Variants in TMEM71 observed in about 807,000 individuals in gnomAD.
TMEM71 encodes transmembrane protein 71.
A neutral mutation model predicts 38.0 loss-of-function variants in TMEM71; 44 were observed. The observed-to-expected ratio is 1.16, with a 90% confidence interval of 0.91 to 1.49. The LOEUF is 1.49. Ranked by LOEUF, TMEM71 falls within the 40% of genes most tolerant of loss-of-function variation. TMEM71 has a pLI of 0.00. For missense variants in TMEM71, 367 were observed against 348.6 expected (o/e 1.05, Z -0.42); for synonymous variants, 133 against 122.5 (o/e 1.09, Z -0.56).
At chr8:132,770,374 G>A in the TMEM71 span, among the ~76,000 whole-genome samples, 4 of 152,148 alleles carry the variant, frequency 2.6e-5, no homozygotes, top group South Asian at 4.1e-4. Context: ...CTCAGTCCAC[G>A]AGGTTTGGAC....
chr8:132,741,347 A>G (rs4736607), intron 5 of TMEM71, among the ~76,000 whole-genome samples: 99,997 of 151,962 alleles, frequency 0.66, 34,371 homozygotes, highest in South Asian at 0.79. Flanking sequence ...GTCTCTCCCC[A>G]TGTGTGGCGA....
chr8:132,711,196 T>A (rs1038317576), intron 9 of TMEM71, among the ~76,000 whole-genome samples: 1 of 152,172 alleles, frequency 6.6e-6, no homozygotes, highest in African/African-American at 2.4e-5. Context: ...AGTGCTCTCC[T>A]TTTTGTCTGA....
intron 6 of TMEM71, among the ~76,000 whole-genome samples, chr8:132,725,113 C>T (rs553961230): frequency 1.3e-5 from 2 of 151,612 alleles, no homozygotes; most frequent in South Asian, 4.2e-4. Context: ...TCTTGGCTCA[C>T]TGCAGCCTTG....
intron 5 of TMEM71, 133 bp from the exon 6 acceptor site, chr8:132,728,119 C>A: frequency 1.6e-6 from 1 of 629,566 alleles, no homozygotes; most frequent in Non-Finnish European, 2.6e-6. Context: ...CGGTATTGCA[C>A]TACCATAGTG....
chr8:132,724,337 A>T (rs939873609), intron 6 of TMEM71, among the ~76,000 whole-genome samples: 1 of 152,042 alleles, frequency 6.6e-6, no homozygotes, highest in Non-Finnish European at 1.5e-5. Flanking sequence ...TAGGACAGAC[A>T]CTCCCAGAGC....
intron 5 of TMEM71, among the ~76,000 whole-genome samples, chr8:132,734,153 T>TACACAC (rs35673804): frequency 4.7e-5 from 7 of 148,790 alleles, no homozygotes; most frequent in South Asian, 2.1e-4. Flanking sequence ...GTTATGTTCT[T>TACACAC]ACACACACAC....
intron 5 of TMEM71, among the ~76,000 whole-genome samples, chr8:132,731,816 G>A (rs1362200419): frequency 1.3e-5 from 2 of 152,214 alleles, no homozygotes. Flanking sequence ...AACAGCCCCA[G>A]TTAACAAATA....
the TMEM71 span, chr8:132,775,698 C>G: frequency 3.1e-6 from 1 of 320,002 alleles, no homozygotes. Context: ...CGCCGGGCCG[C>G]CCGGGACGCC....
At chr8:132,759,389 A>C (rs118039499) in intron 1 of TMEM71, 1,988 of 148,260 alleles carry the variant, frequency 0.013, 17 homozygotes, top group Non-Finnish European at 0.022. Flanking sequence ...CAACAACTTG[A>C]ACCATTGACA....
At chr8:132,766,809 G>T in the TMEM71 span, among the ~76,000 whole-genome samples, 1 of 114,414 alleles carries the variant, frequency 8.7e-6, no homozygotes, top group Non-Finnish European at 2.0e-5. Flanking sequence ...AAATAAAAAA[G>T]ATGCTGTTTT....
At chr8:132,714,740 A>C (rs753078030) in intron 7 of TMEM71, among the ~76,000 whole-genome samples, 11 of 152,360 alleles carry the variant, frequency 7.2e-5, no homozygotes, top group Non-Finnish European at 1.6e-4. Context: ...AAACTTCTGC[A>C]CTGTGAAAGA....
At chr8:132,752,199 C>T (rs1258873660) in intron 3 of TMEM71, among the ~76,000 whole-genome samples, 4 of 152,184 alleles carry the variant, frequency 2.6e-5, no homozygotes, top group Admixed American at 6.5e-5. Context: ...GAAACTTTAG[C>T]GTTTCTTTCT....
intron 3 of TMEM71, among the ~76,000 whole-genome samples, chr8:132,752,421 G>A (rs545560898): frequency 8.5e-5 from 13 of 152,188 alleles, no homozygotes; most frequent in South Asian, 8.3e-4. Flanking sequence ...CCAGAAACAC[G>A]GTGAACATGC....
chr8:132,713,965 G>T (rs2130999492), intron 9 of TMEM71, 30 bp downstream of exon 9: 1 of 1,608,690 alleles, frequency 6.2e-7, no homozygotes, highest in Admixed American at 1.7e-5. Flanking sequence ...CCTTGGTCCA[G>T]ACAATAATGA....
At chr8:132,766,674 C>G in the TMEM71 span, among the ~76,000 whole-genome samples, 1 of 151,616 alleles carries the variant, frequency 6.6e-6, no homozygotes, top group Non-Finnish European at 1.5e-5. Context: ...GCCTGTGGTC[C>G]CAACTACTCA....
intron 5 of TMEM71, among the ~76,000 whole-genome samples, chr8:132,731,568 T>G (rs1827456547): frequency 6.6e-6 from 1 of 152,154 alleles, no homozygotes; most frequent in Non-Finnish European, 1.5e-5. Flanking sequence ...TAGAAGAAAG[T>G]GCCCCAGCAG....
At chr8:132,741,231 C>T (rs558524488) in intron 5 of TMEM71, among the ~76,000 whole-genome samples, 14 of 152,188 alleles carry the variant, frequency 9.2e-5, no homozygotes, top group African/African-American at 1.2e-4. Flanking sequence ...GGTGTGGTGG[C>T]GCGTGCCTGT....
intron 7 of TMEM71, among the ~76,000 whole-genome samples, chr8:132,716,036 C>G (rs1379449935): frequency 2.0e-5 from 3 of 152,142 alleles, no homozygotes; most frequent in Non-Finnish European, 4.4e-5. Flanking sequence ...TCGCAGAGCC[C>G]GAGGGAGCCG....
At chr8:132,775,369 CG>C in the TMEM71 span, 1 of 363,304 alleles carries the variant, frequency 2.8e-6, no homozygotes, top group Non-Finnish European at 4.9e-6. Context: ...CTGACGTCGC[CG>C]GGGCCCGGCG....
Sources: allele counts gnomAD v4.1 joint callset (sites outside exome capture counted in the v4.1 genomes callset), GRCh38; gene constraint gnomAD v4.1.1; transcripts MANE v1.5; gene names NCBI Gene and HGNC (gene_info 2026-07-23, HGNC 2026-07-21).